Variants in TNKS observed in about 807,000 individuals in gnomAD.
The protein encoded by TNKS is tankyrase.
Under a neutral mutation model 135.8 loss-of-function variants are expected in TNKS, and 72 were observed. That is an observed-to-expected ratio of 0.53 (90% CI 0.44 to 0.64). The LOEUF is 0.64. Among genes scored for constraint, TNKS ranks in the 30% least tolerant of loss-of-function variants. TNKS has a pLI of 0.00. For missense variants in TNKS, 1,769 were observed against 1,674.0 expected (o/e 1.06, Z -0.99); for synonymous variants, 849 against 649.3 (o/e 1.31, Z -4.68).
intron 20 of TNKS, among the ~76,000 whole-genome samples, chr8:9,757,226 T>C (rs949752805): frequency 2.0e-5 from 3 of 152,056 alleles, no homozygotes; most frequent in African/African-American, 4.8e-5. Context: ...CTGCCCGCCT[T>C]GGCCTCCCAA....
intron 3 of TNKS, among the ~76,000 whole-genome samples, chr8:9,658,818 G>A (rs898418225): frequency 6.6e-6 from 1 of 152,214 alleles, no homozygotes; most frequent in Non-Finnish European, 1.5e-5. Flanking sequence ...AGACCCATCA[G>A]TGTGCTGTAT....
intron 3 of TNKS, among the ~76,000 whole-genome samples, chr8:9,643,479 G>C (rs1800796283): frequency 6.6e-6 from 1 of 151,822 alleles, no homozygotes; most frequent in Non-Finnish European, 1.5e-5. Flanking sequence ...GGAGCCCTCA[G>C]GACCTAATCA....
chr8:9,717,034 T>G lies in TNKS; in HGVS notation c.1750-3340T>G, dbSNP rs1485619125. Among the ~76,000 whole-genome samples the G allele has an allele frequency of 2.9e-5, 4 of 138,022 alleles. No individual in the cohort carries two copies. In the East Asian group the frequency reaches 8.7e-4, roughly 30 times the overall value. 90.5% of individuals were successfully genotyped at this position (138,022 alleles called of 152,430 possible). On this transcript the variant is annotated intron_variant, in intron 11 of 26. Transcript: ENST00000310430. ...TCTTAAGGCACGTGAGCAAGATTAG[T>G]ACCCCTTGAAACCACCAAAGATAAT...
chr8:9,564,366 A>G (rs1297643375), intron 1 of TNKS, among the ~76,000 whole-genome samples: 4 of 151,994 alleles, frequency 2.6e-5, no homozygotes, highest in Non-Finnish European at 2.9e-5. Context: ...TTGTGAGCAT[A>G]AATATGTTAA....
At chr8:9,583,068 G>C (rs959810350) in intron 2 of TNKS, among the ~76,000 whole-genome samples, 14 of 151,410 alleles carry the variant, frequency 9.2e-5, no homozygotes, top group African/African-American at 3.4e-4. Context: ...TTAGGAGGCT[G>C]AGGCAGGAGA....
At chr8:9,630,118 G>A (rs187870753) in intron 3 of TNKS, among the ~76,000 whole-genome samples, 6 of 152,298 alleles carry the variant, frequency 3.9e-5, no homozygotes, top group Admixed American at 6.5e-5. Flanking sequence ...ACTGTCTGCA[G>A]TGATTTCATT....
chr8:9,771,234 C>T (rs185767713), intron 26 of TNKS, among the ~76,000 whole-genome samples: 54 of 63,484 alleles, frequency 8.5e-4, no homozygotes, highest in South Asian at 7.3e-3. Context: ...AGGGAGAGAG[C>T]GAGGAAAGGA....
chr8:9,594,096 G>A (rs1375667711), intron 2 of TNKS, among the ~76,000 whole-genome samples: 1 of 151,894 alleles, frequency 6.6e-6, no homozygotes, highest in Non-Finnish European at 1.5e-5. Context: ...CATTTTGGCC[G>A]GGCTGGTCTC....
At chr8:9,717,000 TTTG>T (rs1804633735) in intron 11 of TNKS, among the ~76,000 whole-genome samples, 2 of 147,140 alleles carry the variant, frequency 1.4e-5, no homozygotes, top group South Asian at 4.4e-4. Flanking sequence ...TTTTGCTCAG[TTTG>T]TTATTTCTTA....
In TNKS at chr8:9,708,443, C is replaced by G; in HGVS notation, c.1529C>G (p.Ala510Gly). The G allele has an allele frequency of 6.2e-7, 1 of 1,609,718 alleles. No homozygotes were observed. Among genetic ancestry groups the G allele is most frequent in the Non-Finnish European group, 8.5e-7 (1 of 1,177,812 alleles). Residue 510 changes from alanine (A) to glycine (G), a missense_variant, in exon 9 of 27, where the codon GCT (alanine) becomes GGT (glycine). Ala to Gly is a moderately conservative substitution (Grantham distance 60). This residue lies in a region of TNKS where 523 missense variants were observed against 541.0 expected (regional missense o/e 0.97). Coordinates refer to ENST00000310430, the MANE Select transcript of TNKS (RefSeq NM_003747.3). ...TTAGCTAAAGTTAAAAAAACACTCG[C>G]TCTGGAAATCATTAATTTCAAACAA... ...ADLAKVKKTL[A>G]LEIINFKQPQ...
intron 25 of TNKS, among the ~76,000 whole-genome samples, chr8:9,766,706 G>A (rs1423831907): frequency 1.3e-5 from 2 of 151,974 alleles, no homozygotes; most frequent in African/African-American, 2.4e-5. Flanking sequence ...AGCTGGTCTC[G>A]AACTCCTGAT....
At chr8:9,693,771 C>T (rs1295472268) in intron 5 of TNKS, among the ~76,000 whole-genome samples, 1 of 152,194 alleles carries the variant, frequency 6.6e-6, no homozygotes, top group African/African-American at 2.4e-5. Flanking sequence ...ATTGAACAAT[C>T]TTACTACTAA....
At position 9,779,532 on chromosome 8, in the gene TNKS, T is replaced by G. The variant is rs1442591596; in HGVS notation, c.*2796T>G. On this transcript the variant is annotated 3_prime_UTR_variant, in exon 27 of 27. Transcript: ENST00000310430. ...ACCTGCTGTTGGCCTGCTGGATACT[T>G]GACTCAGGCATAAATTAAGTGCCCT... 1.3e-5 allele frequency: 2 copies of G among 152,228 alleles called. No individual in the cohort carries two copies. The highest frequency in any genetic ancestry group is 2.9e-5 in the Non-Finnish European group (2 of 68,044). 9.4% of individuals were successfully genotyped at this position (152,228 alleles called of 1,614,324 possible). A position where few individuals can be genotyped will look rare whatever the true frequency, so the allele number is the denominator to read the frequency against.
intron 3 of TNKS, among the ~76,000 whole-genome samples, chr8:9,673,507 C>G (rs183573946): frequency 2.9e-5 from 4 of 138,326 alleles, no homozygotes; most frequent in Non-Finnish European, 6.0e-5. Context: ...TGCAGTGGTG[C>G]GATCTCAGCT....
chr8:9,762,598 C>G (rs1403377808), intron 21 of TNKS, among the ~76,000 whole-genome samples: 1 of 152,058 alleles, frequency 6.6e-6, no homozygotes, highest in Non-Finnish European at 1.5e-5. Flanking sequence ...GTACAAGAAG[C>G]TCTGTAACAA....
At chr8:9,752,392 G>A (rs1423226035) in intron 19 of TNKS, 152 bp from the exon 20 acceptor site, 2 of 541,368 alleles carry the variant, frequency 3.7e-6, no homozygotes, top group Non-Finnish European at 6.4e-6. Context: ...GAAATAAAGT[G>A]TCTAAATTAA....
At chr8:9,753,763 G>T (rs1249078410) in intron 20 of TNKS, among the ~76,000 whole-genome samples, 1 of 152,086 alleles carries the variant, frequency 6.6e-6, no homozygotes, top group African/African-American at 2.4e-5. Context: ...TTACAATTTG[G>T]GACAGGTGTA....
At chr8:9,658,722 T>A (rs1331196009) in intron 3 of TNKS, among the ~76,000 whole-genome samples, 1 of 152,310 alleles carries the variant, frequency 6.6e-6, no homozygotes, top group African/African-American at 2.4e-5. Flanking sequence ...AGGATCAAAT[T>A]CACACATAAC....
intron 5 of TNKS, chr8:9,681,294 C>G (rs930301272): frequency 1.3e-5 from 2 of 151,984 alleles, no homozygotes; most frequent in African/African-American, 2.4e-5. Context: ...TTTGTACTGG[C>G]TAAGTTTTAG....
Sources: allele counts gnomAD v4.1 joint callset (sites outside exome capture counted in the v4.1 genomes callset), GRCh38; gene constraint gnomAD v4.1.1; regional missense constraint gnomAD v4.1.1; transcripts MANE v1.5; gene names NCBI Gene and HGNC (gene_info 2026-07-23, HGNC 2026-07-21).